Variants in ZNF189 observed in about 807,000 individuals in gnomAD.
ZNF189 encodes zinc finger protein 189.
In ZNF189, 33 loss-of-function variants were observed where a neutral mutation model predicts 53.5. The observed-to-expected ratio is 0.62, with a 90% CI of 0.47 to 0.82. The LOEUF (loss-of-function observed/expected upper bound fraction) is 0.82, where lower values mean the gene tolerates loss of function less well. Ranked by LOEUF, ZNF189 falls within the 40% of genes least tolerant of loss-of-function variation. ZNF189 has a pLI of 0.00. For synonymous variants in ZNF189, 247 were observed against 238.8 expected, an observed-to-expected ratio of 1.03 and a Z score of -0.32; for missense variants, 711 against 753.9, an observed-to-expected ratio of 0.94 and a Z score of 0.67.
chr9:101,409,000 G>A lies in ZNF189; in HGVS notation c.1232G>A (p.Arg411Lys). Residue 411 changes from arginine (R) to lysine (K), a missense_variant, in exon 3 of 3, where the codon AGA becomes AAA. Arg to Lys is a conservative substitution (Grantham distance 26, BLOSUM62 2). Transcript: ENST00000339664. ...GAGGAATGTGGAAAAGCCTTTAGTA[G>A]AAGCTCAGGTCTTATTCAGCATCAG... ...KCEECGKAFS[R>K]SSGLIQHQRI... 6.2e-7 allele frequency: 1 copy of A among 1,614,064 alleles called. No homozygotes were observed. The highest frequency in any genetic ancestry group is 8.5e-7 in the Non-Finnish European group (1 of 1,180,000).
intron 2 of ZNF189, among the ~76,000 whole-genome samples, chr9:101,400,319 C>T (rs1366354318): frequency 6.6e-6 from 1 of 152,106 alleles, no homozygotes; most frequent in Non-Finnish European, 1.5e-5. Context: ...CCCTGTTCGT[C>T]TTCACATAAT....
chr9:101,407,796 C>A, intron 2 of ZNF189, 133 bp from the exon 3 acceptor site: 1 of 889,418 alleles, frequency 1.1e-6, no homozygotes, highest in Non-Finnish European at 1.6e-6. Flanking sequence ...TTTTTTCATC[C>A]TACCCTGTTT....
At chr9:101,399,284 C>G in intron 1 of ZNF189, 95 bp downstream of exon 1, 2 of 1,425,930 alleles carry the variant, frequency 1.4e-6, no homozygotes, top group Non-Finnish European at 1.9e-6. Context: ...CACCAACCTC[C>G]TGACCGCCTC....
intron 2 of ZNF189, among the ~76,000 whole-genome samples, chr9:101,406,692 T>A (rs546844885): frequency 6.6e-6 from 1 of 152,294 alleles, no homozygotes; most frequent in African/African-American, 2.4e-5. Flanking sequence ...AGAGGATGTA[T>A]GAAAAAGGAG....
At chr9:101,399,559 G>A in intron 1 of ZNF189, 1 of 1,281,102 alleles carries the variant, frequency 7.8e-7, no homozygotes. Flanking sequence ...TCAAGGAATT[G>A]AATTGAATAG....
At chr9:101,399,668 C>A in intron 1 of ZNF189, 3 of 1,209,260 alleles carry the variant, frequency 2.5e-6, no homozygotes, top group Non-Finnish European at 3.3e-6. Context: ...ACTCTCAGGG[C>A]ATAATAAATC....
chr9:101,407,884 T>C, intron 2 of ZNF189, 45 bp from the exon 3 acceptor site: 5 of 1,465,410 alleles, frequency 3.4e-6, no homozygotes, highest in Non-Finnish European at 4.5e-6. Flanking sequence ...TCTCCTTGCT[T>C]CAAAGACCTT....
At chr9:101,401,901 G>A (rs191543009) in intron 2 of ZNF189, among the ~76,000 whole-genome samples, 44 of 147,312 alleles carry the variant, frequency 3.0e-4, no homozygotes, top group Admixed American at 8.3e-4. Flanking sequence ...ATCAGCTACC[G>A]CTCTGTGAAA....
intron 1 of ZNF189, chr9:101,399,579 C>A: frequency 7.7e-7 from 1 of 1,291,580 alleles, no homozygotes; most frequent in Non-Finnish European, 9.8e-7. Context: ...GAGTCACAAG[C>A]CAGTGCAAAT....
At chr9:101,403,642 A>T (rs80126509) in intron 2 of ZNF189, among the ~76,000 whole-genome samples, 14 of 152,330 alleles carry the variant, frequency 9.2e-5, no homozygotes, top group African/African-American at 3.1e-4. Flanking sequence ...TCTTTCCGCA[A>T]TGACTTGCAG....
At chr9:101,399,531 G>A in intron 1 of ZNF189, 2 of 1,278,398 alleles carry the variant, frequency 1.6e-6, no homozygotes, top group Non-Finnish European at 2.0e-6. Flanking sequence ...GGACCCCAAG[G>A]TACACGCTTA....
Position 101,408,115 on chromosome 9 carries a change from G to C in ZNF189, c.347G>C (p.Trp116Ser), listed in dbSNP as rs767545750. 6.2e-7 allele frequency: 1 copy of C among 1,613,840 alleles called. No individual in the cohort carries two copies. The highest frequency in any genetic ancestry group is 8.5e-7 in the Non-Finnish European group (1 of 1,179,944). Residue 116 changes from tryptophan (W) to serine (S), a missense_variant, in exon 3 of 3, where the codon TGG (tryptophan) becomes TCG (serine). Physicochemically the swap from Trp to Ser is radical, Grantham distance 177. Coordinates refer to ENST00000339664, the MANE Select transcript of ZNF189 (RefSeq NM_003452.4). Reference sequence around the variant, plus strand: ...GATAAACAAAGAGGGATCTTCCTATGGGAAATACCAAGGGAATCTTTGACC... The same window carrying C: ...GATAAACAAAGAGGGATCTTCCTATCGGAAATACCAAGGGAATCTTTGACC... ...RLDKQRGIFL[W>S]EIPRESLTQE...
intron 1 of ZNF189, among the ~76,000 whole-genome samples, 161 bp from the exon 2 acceptor site, chr9:101,399,723 C>A (rs745738511): frequency 6.6e-6 from 1 of 152,174 alleles, no homozygotes. Flanking sequence ...AGATGTCTGT[C>A]AGTTACAGTT....
At chr9:101,404,432 A>G (rs1411001923) in intron 2 of ZNF189, among the ~76,000 whole-genome samples, 1 of 152,038 alleles carries the variant, frequency 6.6e-6, no homozygotes, top group Non-Finnish European at 1.5e-5. Flanking sequence ...ATAATATTGA[A>G]TCTCTTTAGC....
At chr9:101,404,570 C>T (rs775581286) in intron 2 of ZNF189, among the ~76,000 whole-genome samples, 23 of 152,026 alleles carry the variant, frequency 1.5e-4, no homozygotes, top group Non-Finnish European at 2.5e-4. Flanking sequence ...TATTGTGAAG[C>T]ATTTATATCA....
intron 1 of ZNF189, 56 bp from the exon 2 acceptor site, chr9:101,399,828 T>A: frequency 1.2e-6 from 2 of 1,610,392 alleles, no homozygotes; most frequent in Non-Finnish European, 1.7e-6. Flanking sequence ...TCACTTTTAG[T>A]GGTAGAATTG....
chr9:101,406,055 CAA>C (rs5899441), intron 2 of ZNF189, among the ~76,000 whole-genome samples: 23 of 125,000 alleles, frequency 1.8e-4, no homozygotes, highest in African/African-American at 3.9e-4. Flanking sequence ...AACTCTGTCT[CAA>C]AAAAAAAAAA....
rs1359730273 is a variant in ZNF189, at chr9:101,409,258, C to T, written c.1490C>T (p.Ser497Leu). ...TGTGGGAAAAGCTTCAGCCGGAGCT[C>T]ATTTCTTATTGAACATCAGAGAATC... Reference protein sequence around the residue: ...TVCGKSFSRSSFLIEHQRIHT... With the variant: ...TVCGKSFSRSLFLIEHQRIHT... The change falls in exon 3 of 3, where the codon TCA becomes TTA. Residue 497 changes from serine (S) to leucine (L), a missense_variant. By Grantham distance (145) the Ser-to-Leu change is moderately radical (BLOSUM62 -2). Transcript: ENST00000339664. 1.5e-5 allele frequency: 24 copies of T among 1,613,536 alleles called. No homozygotes were observed. The highest frequency in any genetic ancestry group is 2.0e-5 in the Non-Finnish European group (24 of 1,179,528).
chr9:101,398,931 C>A lies in ZNF189; in HGVS notation c.-226C>A. 1 of 615,694 alleles carries A rather than the reference C, an allele frequency of 1.6e-6. No individual in the cohort carries two copies. Among genetic ancestry groups the A allele is most frequent in the South Asian group, 1.9e-5 (1 of 53,570 alleles). 38.1% of individuals were successfully genotyped at this position (615,694 alleles called of 1,614,324 possible). ...TAGCGAGGCCTGAAAGGCTGCGTAA[C>A]CAGGCAGGAGTAGGGGTTGGGGTTC... On this transcript the variant is annotated 5_prime_UTR_variant, in exon 1 of 3. Transcript: ENST00000339664.
Sources: allele counts gnomAD v4.1 joint callset (sites outside exome capture counted in the v4.1 genomes callset), GRCh38; gene constraint gnomAD v4.1.1; transcripts MANE v1.5; gene names NCBI Gene and HGNC (gene_info 2026-07-23, HGNC 2026-07-21).